The following FHIT variants were observed in gnomAD, a reference collection of about 807,000 sequenced individuals.
FHIT encodes fragile histidine triad diadenosine triphosphatase.
A neutral mutation model predicts 17.9 loss-of-function variants in FHIT; 19 were observed. The ratio of observed to expected loss-of-function variants is 1.06; its 90% CI spans 0.74 to 1.56. The LOEUF (loss-of-function observed/expected upper bound fraction) is 1.56, where lower values mean the gene tolerates loss of function less well. FHIT is among the 40% of genes most tolerant of loss of function. The pLI is 0.00. For missense variants in FHIT, 248 were observed against 189.2 expected (o/e 1.31, Z -1.82); for synonymous variants, 81 against 69.7 (o/e 1.16, Z -0.81).
At chr3:60,001,780 C>CT (rs1276583704) in intron 7 of FHIT, among the ~76,000 whole-genome samples, 1 of 152,124 alleles carries the variant, frequency 6.6e-6, no homozygotes, top group African/African-American at 2.4e-5. Context: ...TGGAGCAGAG[C>CT]TTGGAGTCAC....
intron 2 of FHIT, among the ~76,000 whole-genome samples, chr3:61,077,660 A>C (rs1234174099): frequency 6.6e-6 from 1 of 152,030 alleles, no homozygotes; most frequent in Non-Finnish European, 1.5e-5. Context: ...TCAGCTAAGA[A>C]CTCTCAGCTC....
intron 5 of FHIT, among the ~76,000 whole-genome samples, chr3:60,316,062 T>C (rs1321657569): frequency 1.3e-5 from 2 of 152,198 alleles, no homozygotes; most frequent in African/African-American, 2.4e-5. Flanking sequence ...GAACATGACA[T>C]TGTTCTTGGA....
At chr3:59,876,946 T>C (rs947102295) in intron 8 of FHIT, among the ~76,000 whole-genome samples, 3 of 152,194 alleles carry the variant, frequency 2.0e-5, no homozygotes, top group African/African-American at 4.8e-5. Flanking sequence ...AGGAGACATC[T>C]GTGAAACAGT....
intron 5 of FHIT, among the ~76,000 whole-genome samples, chr3:60,234,339 G>A (rs576823039): frequency 4.6e-5 from 7 of 152,238 alleles, no homozygotes; most frequent in African/African-American, 1.7e-4. Context: ...TCAACATAAT[G>A]AATAACTACT....
chr3:60,234,965 C>G (rs1315582976), intron 5 of FHIT, among the ~76,000 whole-genome samples: 1 of 151,960 alleles, frequency 6.6e-6, no homozygotes. Flanking sequence ...ACCTACTTTC[C>G]CAAGTACAAA....
At chr3:61,113,401 T>C (rs2036215281) in intron 2 of FHIT, among the ~76,000 whole-genome samples, 1 of 152,304 alleles carries the variant, frequency 6.6e-6, no homozygotes, top group African/African-American at 2.4e-5. Flanking sequence ...TTATACAATA[T>C]AAAATCCAAA....
At chr3:60,681,522 G>A (rs1308229437) in intron 4 of FHIT, among the ~76,000 whole-genome samples, 6 of 152,182 alleles carry the variant, frequency 3.9e-5, no homozygotes, top group African/African-American at 1.4e-4. Context: ...GCTTGGCGAG[G>A]AAGGCATGTC....
At chr3:60,388,888 G>T (rs993116421) in intron 5 of FHIT, among the ~76,000 whole-genome samples, 3 of 152,098 alleles carry the variant, frequency 2.0e-5, no homozygotes, top group Non-Finnish European at 2.9e-5. Flanking sequence ...GGCTCGTAAA[G>T]TTAGCACAGT....
chr3:59,857,182 G>T (rs753751087), intron 8 of FHIT, among the ~76,000 whole-genome samples: 3 of 152,126 alleles, frequency 2.0e-5, no homozygotes, highest in Non-Finnish European at 4.4e-5. Flanking sequence ...TTTTCAAGTT[G>T]GGGTTTGATT....
intron 2 of FHIT, among the ~76,000 whole-genome samples, chr3:61,159,306 C>G (rs550076860): frequency 6.6e-6 from 1 of 152,084 alleles, no homozygotes; most frequent in Non-Finnish European, 1.5e-5. Flanking sequence ...GTTAGGTGTG[C>G]GTTTGATACA....
intron 4 of FHIT, among the ~76,000 whole-genome samples, chr3:60,608,648 A>G (rs2107727136): frequency 6.6e-6 from 1 of 152,296 alleles, no homozygotes; most frequent in Non-Finnish European, 1.5e-5. Context: ...CATTACAACA[A>G]TACTGCAAGG....
intron 8 of FHIT, among the ~76,000 whole-genome samples, chr3:59,899,595 A>G (rs1317751316): frequency 1.3e-5 from 2 of 152,082 alleles, no homozygotes; most frequent in African/African-American, 4.8e-5. Context: ...GCAGTTTGGG[A>G]GGCCGAGGCG....
At chr3:60,529,944 T>C (rs1008792172) in intron 5 of FHIT, among the ~76,000 whole-genome samples, 1 of 143,716 alleles carries the variant, frequency 7.0e-6, no homozygotes, top group Admixed American at 7.0e-5. Flanking sequence ...ATCGTAAAGA[T>C]ACACATTTCT....
chr3:61,067,810 C>T (rs76970859), intron 2 of FHIT, among the ~76,000 whole-genome samples: 1 of 152,182 alleles, frequency 6.6e-6, no homozygotes, highest in Non-Finnish European at 1.5e-5. Flanking sequence ...AATTTGAACA[C>T]CCCAAGCCTT....
At chr3:61,099,709 T>A (rs1243086758) in intron 2 of FHIT, among the ~76,000 whole-genome samples, 1 of 152,182 alleles carries the variant, frequency 6.6e-6, no homozygotes, top group Non-Finnish European at 1.5e-5. Context: ...CATAGAGGTG[T>A]TTATAATATA....
chr3:60,012,211 C>A, intron 6 of FHIT, among the ~76,000 whole-genome samples: 1 of 149,964 alleles, frequency 6.7e-6, no homozygotes, highest in South Asian at 2.1e-4. Context: ...ATGAAGTCAA[C>A]TTAATGGGTT....
chr3:60,125,646 A>ATG (rs113558925), intron 5 of FHIT, among the ~76,000 whole-genome samples: 3 of 147,972 alleles, frequency 2.0e-5, no homozygotes, highest in Non-Finnish European at 4.5e-5. Flanking sequence ...ATATATACAT[A>ATG]TGTGTGTATG....
In FHIT at chr3:61,239,761, C is replaced by CTATATATATATATATATATATATATA. The variant is rs1491311135; in HGVS notation, c.-213+11539_-213+11540insTATATATATATATATATATATATATA. ...TAAAACTGCAAAGAAAAACAACTGG[C>CTATATATATATATATATATATATATA]CATATATATATATATATATATATAC... On this transcript the variant is annotated intron_variant, in intron 1 of 9. Coordinates refer to ENST00000492590, the MANE Select transcript of FHIT (RefSeq NM_002012.4). Among the ~76,000 whole-genome samples, 121 of 63,120 alleles carry CTATATATATATATATATATATATATA rather than the reference C, an allele frequency of 1.9e-3. 6 individuals are homozygous for CTATATATATATATATATATATATATA. Among genetic ancestry groups the CTATATATATATATATATATATATATA allele is most frequent in the African/African-American group, 3.3e-3 (52 of 15,652 alleles). The allele number at this position is 63,120 out of a possible 152,430, so 41.4% of individuals were successfully genotyped here. A position where few individuals can be genotyped will look rare whatever the true frequency, so the allele number is the denominator to read the frequency against.
At chr3:60,447,362 T>G (rs2031411393) in intron 5 of FHIT, among the ~76,000 whole-genome samples, 2 of 152,146 alleles carry the variant, frequency 1.3e-5, no homozygotes, top group African/African-American at 4.8e-5. Flanking sequence ...ATTCTGAATA[T>G]GAGGTTAAAT....
Sources: allele counts gnomAD v4.1 joint callset (sites outside exome capture counted in the v4.1 genomes callset), GRCh38; gene constraint gnomAD v4.1.1; transcripts MANE v1.5; gene names NCBI Gene and HGNC (gene_info 2026-07-23, HGNC 2026-07-21).